Variants in SREBF2 observed in about 807,000 individuals in gnomAD.
SREBF2 encodes the protein sterol regulatory element binding transcription factor 2, also known as sterol regulatory element-binding protein 2.
Under a neutral mutation model 113.1 loss-of-function variants are expected in SREBF2, and 55 were observed. The ratio of observed to expected loss-of-function variants is 0.49; its 90% CI spans 0.39 to 0.61. The LOEUF is 0.61. Ranked by LOEUF, SREBF2 falls within the 20% of genes least tolerant of loss-of-function variation. The pLI, the probability that SREBF2 is intolerant of heterozygous loss-of-function variation, is 0.00. For missense variants in SREBF2, 1,349 were observed against 1,487.4 expected, an observed-to-expected ratio of 0.91 and a Z score of 1.53; for synonymous variants, 593 against 605.7, an observed-to-expected ratio of 0.98 and a Z score of 0.31.
intron 1 of SREBF2, among the ~76,000 whole-genome samples, chr22:41,849,439 C>T (rs907260523): frequency 5.3e-5 from 8 of 152,174 alleles, no homozygotes; most frequent in Non-Finnish European, 1.0e-4. Flanking sequence ...AGGTGATCCT[C>T]CCGCCTTAGC....
chr22:41,866,827 A>T lies in SREBF2; in HGVS notation c.89-4A>T. The T allele has an allele frequency of 6.2e-7, 1 of 1,614,202 alleles. No homozygotes were observed. ...TAAAATTACTCCTTTTCTTTTGTTC[A>T]CAGAGATGCTGCAATTTGTCAGTAA... On this transcript the variant is annotated splice_polypyrimidine_tract_variant and splice_region_variant and intron_variant, in intron 1 of 18. Transcript: ENST00000361204.
chr22:41,900,231 T>C (rs2077453465), intron 15 of SREBF2, 99 bp from the exon 16 acceptor site: 2 of 1,558,294 alleles, frequency 1.3e-6, no homozygotes, highest in Admixed American at 3.7e-5. Flanking sequence ...GCACATGTCA[T>C]ATCAGTGTGG....
intron 10 of SREBF2, among the ~76,000 whole-genome samples, chr22:41,884,278 G>T (rs1380063267): frequency 6.6e-6 from 1 of 152,170 alleles, no homozygotes; most frequent in Admixed American, 6.5e-5. Context: ...TGCAATTACA[G>T]GCGTGTGCCA....
intron 1 of SREBF2, among the ~76,000 whole-genome samples, chr22:41,840,619 A>G (rs1163850316): frequency 1.3e-5 from 2 of 152,212 alleles, no homozygotes; most frequent in African/African-American, 2.4e-5. Context: ...GGTTGGACAG[A>G]GTTTTATGTC....
intron 4 of SREBF2, among the ~76,000 whole-genome samples, chr22:41,873,035 T>C (rs2077161295): frequency 6.6e-6 from 1 of 151,718 alleles, no homozygotes. Flanking sequence ...CCGTCTCTAC[T>C]AAAAATACAA....
rs1464839713 is a variant in SREBF2, at chr22:41,881,001, G to A, written c.2038+9G>A. ...CCAGCTGCACATCACAGGTGAGGGG[G>A]CAGCTGCTGCTGCCTGGCTTGCTGC... On this transcript the variant is annotated intron_variant, in intron 10 of 18. Transcript: ENST00000361204. The A allele has an allele frequency of 6.2e-7, 1 of 1,604,016 alleles. No homozygotes were observed. Among genetic ancestry groups the A allele is most frequent in the Non-Finnish European group, 8.5e-7 (1 of 1,179,614 alleles).
chr22:41,860,496 G>A (rs1392446137), intron 1 of SREBF2, among the ~76,000 whole-genome samples: 4 of 152,204 alleles, frequency 2.6e-5, no homozygotes, highest in African/African-American at 9.7e-5. Flanking sequence ...TCCAAAGCAT[G>A]TATAGTGGTC....
chr22:41,834,344 C>G (rs1447893090), intron 1 of SREBF2: 3 of 88,262 alleles, frequency 3.4e-5, no homozygotes, highest in African/African-American at 6.3e-5. Context: ...TCACTTCTTC[C>G]TCACAACAAT....
Position 41,900,644 on chromosome 22 carries a change from G to A in SREBF2, c.2907+146G>A, listed in dbSNP as rs968835928. On this transcript the variant is annotated intron_variant, in intron 16 of 18. Transcript: ENST00000361204. ...AGCAGCCCCCTTTCAAAAAAGTTAC[G>A]GCTTATTGGCCTAGGTGGACTCCTT... The A allele has an allele frequency of 2.1e-5, 17 of 810,256 alleles. 1 individual carries two copies. The highest frequency in any genetic ancestry group is 1.1e-4 in the East Asian group (4 of 37,328). 50.2% of individuals were successfully genotyped at this position (810,256 alleles called of 1,614,324 possible).
At chr22:41,897,030 G>T (rs1001671314) in intron 13 of SREBF2, 22 bp from the exon 14 acceptor site, 4 of 1,558,630 alleles carry the variant, frequency 2.6e-6, no homozygotes, top group Admixed American at 3.4e-5. Flanking sequence ...GATGTACATG[G>T]GACCCTTTCT....
At chr22:41,874,147 A>G in intron 5 of SREBF2, 128 bp downstream of exon 5, 1 of 892,546 alleles carries the variant, frequency 1.1e-6, no homozygotes. Flanking sequence ...GTGCTTTTTT[A>G]TTAAAGCATC....
Position 41,898,653 on chromosome 22 carries a change from A to G in SREBF2, c.2610A>G (p.Pro870=). The G allele has an allele frequency of 1.2e-6, 2 of 1,613,732 alleles. No individual in the cohort carries two copies. The highest frequency in any genetic ancestry group is 2.2e-5 in the South Asian group (2 of 91,030). ...TTTGGTGCTGTTCTCCTCTAGGTCC[A>G]GACATCATCTGTCGGTGGTGGACGT... ...RSSVLKSALG[P]DIICRWWTSA... Residue 870 remains proline (P), a synonymous_variant, in exon 15 of 19, where the codon CCA becomes CCG. Transcript: ENST00000361204.
At chr22:41,899,422 T>C (rs1382847400) in intron 15 of SREBF2, 1 of 1,002,630 alleles carries the variant, frequency 1.0e-6, no homozygotes, top group Non-Finnish European at 1.2e-6. Flanking sequence ...TAATTGGATC[T>C]GAGTATTCTA....
At chr22:41,899,068 AAAG>A (rs2077441638) in intron 15 of SREBF2, 2 of 620,118 alleles carry the variant, frequency 3.2e-6, no homozygotes, top group Non-Finnish European at 5.0e-6. Context: ...CACAGGCTGA[AAAG>A]AAGAGACGAG....
chr22:41,878,970 G>A lies in SREBF2; in HGVS notation c.1761+847G>A, dbSNP rs1443549994. On this transcript the variant is annotated intron_variant, in intron 9 of 18. Transcript: ENST00000361204. ...GTGTTTTACAAGCATCATTATGGTG[G>A]CTGTGAAGGATAGGTAGGAGGGAGA... Among the ~76,000 whole-genome samples the A allele has an allele frequency of 2.0e-5, 3 of 152,238 alleles. No homozygotes were observed. In the East Asian group the frequency reaches 5.8e-4, roughly 29 times the overall value.
At chr22:41,891,786 G>A (rs2077365586) in intron 11 of SREBF2, among the ~76,000 whole-genome samples, 2 of 152,184 alleles carry the variant, frequency 1.3e-5, no homozygotes, top group African/African-American at 4.8e-5. Flanking sequence ...CCTCCCTCCT[G>A]TCTTCTGTCC....
In SREBF2 at chr22:41,866,924, G is replaced by A. The variant is rs777395605; in HGVS notation, c.182G>A (p.Gly61Asp). ...TCCTTTCCTGGCAGTGGTGGTAGTG[G>A]TAGCAGCAGCGGCAGCAGTGGCAGC... ...CSSFPGSGGSGSSSGSSGSSS... is the reference protein window; with the variant it reads ...CSSFPGSGGSDSSSGSSGSSS... Residue 61 changes from glycine to aspartate, a missense_variant, in exon 2 of 19, where the codon GGT (glycine) becomes GAT (aspartate). Transcript: ENST00000361204. The A allele has an allele frequency of 8.1e-6, 13 of 1,614,078 alleles. No individual in the cohort carries two copies. The highest frequency in any genetic ancestry group is 1.0e-5 in the Non-Finnish European group (12 of 1,180,032).
In SREBF2 at chr22:41,904,870, T is replaced by C; in HGVS notation, c.3101T>C (p.Leu1034Pro). 6.3e-7 allele frequency: 1 copy of C among 1,595,358 alleles called. No individual in the cohort carries two copies. The highest frequency in any genetic ancestry group is 8.5e-7 in the Non-Finnish European group (1 of 1,173,130). The change falls in exon 18 of 19, where the codon CTG becomes CCG. Residue 1034 changes from leucine to proline, a missense_variant. By Grantham distance (98) the Leu-to-Pro change is moderately conservative (BLOSUM62 -3). Transcript: ENST00000361204. ...SFRPAYRKVF[L>P]HEATVRLMAG... ...ACCCCGGCACCTCCCCAGGTGTTCC[T>C]GCATGAAGCCACCGTGCGCCTGATG... is the stretch of plus-strand genomic sequence containing the variant.
intron 7 of SREBF2, among the ~76,000 whole-genome samples, chr22:41,876,027 G>GCAC (rs2077195030): frequency 6.6e-6 from 1 of 152,196 alleles, no homozygotes; most frequent in Non-Finnish European, 1.5e-5. Context: ...GCTGCTGGAG[G>GCAC]CACCTCATTG....
Sources: allele counts gnomAD v4.1 joint callset (sites outside exome capture counted in the v4.1 genomes callset), GRCh38; gene constraint gnomAD v4.1.1; transcripts MANE v1.5; gene names NCBI Gene and HGNC (gene_info 2026-07-23, HGNC 2026-07-21).